The following KCND2 variants were observed in gnomAD, a reference collection of about 807,000 sequenced individuals.
KCND2 encodes potassium voltage-gated channel subfamily D member 2.
A neutral mutation model predicts 54.4 loss-of-function variants in KCND2; 16 were observed. The ratio of observed to expected loss-of-function variants is 0.29; its 90% CI spans 0.20 to 0.45. The LOEUF is 0.45. Ranked by LOEUF, KCND2 falls within the 20% of genes least tolerant of loss-of-function variation. KCND2 has a pLI of 1.00. For synonymous variants in KCND2, 317 were observed against 310.7 expected, an observed-to-expected ratio of 1.02 and a Z score of -0.21; for missense variants, 486 against 824.2, an observed-to-expected ratio of 0.59 and a Z score of 5.02.
At chr7:120,352,717 A>G (rs953354284) in intron 1 of KCND2, among the ~76,000 whole-genome samples, 1 of 152,122 alleles carries the variant, frequency 6.6e-6, no homozygotes. Context: ...AAATATTACA[A>G]TGTATTTTAA....
intron 1 of KCND2, among the ~76,000 whole-genome samples, chr7:120,282,670 A>G (rs1057480203): frequency 6.6e-6 from 1 of 152,162 alleles, no homozygotes; most frequent in African/African-American, 2.4e-5. Flanking sequence ...TTTTGTTCTA[A>G]AAGTAAAAGG....
intron 1 of KCND2, among the ~76,000 whole-genome samples, chr7:120,695,496 C>G (rs1173272487): frequency 1.3e-5 from 2 of 152,094 alleles, no homozygotes; most frequent in Non-Finnish European, 2.9e-5. Flanking sequence ...AGCTGGTTGT[C>G]TACTATAATA....
chr7:120,476,113 G>A (rs1198567282), intron 1 of KCND2, among the ~76,000 whole-genome samples: 3 of 152,194 alleles, frequency 2.0e-5, no homozygotes, highest in African/African-American at 7.2e-5. Context: ...GTGGTTGCAT[G>A]CACAGAGGGA....
intron 1 of KCND2, among the ~76,000 whole-genome samples, chr7:120,290,976 A>G (rs1315710871): frequency 6.6e-6 from 1 of 151,976 alleles, no homozygotes; most frequent in African/African-American, 2.4e-5. Context: ...TTTATTTGGC[A>G]CTCATATCTT....
At chr7:120,470,168 G>A (rs1481375768) in intron 1 of KCND2, among the ~76,000 whole-genome samples, 1 of 152,104 alleles carries the variant, frequency 6.6e-6, no homozygotes. Flanking sequence ...AGTGTCTCAT[G>A]TTCCAAGACA....
intron 1 of KCND2, among the ~76,000 whole-genome samples, chr7:120,286,111 T>C (rs979016918): frequency 1.3e-5 from 2 of 151,952 alleles, no homozygotes. Flanking sequence ...AAACTATGAA[T>C]AAATTAAGAA....
At chr7:120,455,877 G>T (rs1406657459) in intron 1 of KCND2, among the ~76,000 whole-genome samples, 2 of 152,096 alleles carry the variant, frequency 1.3e-5, no homozygotes, top group Non-Finnish European at 2.9e-5. Context: ...TTATTACCTG[G>T]TTGATGAAAT....
At chr7:120,582,397 A>G (rs760511042) in intron 1 of KCND2, among the ~76,000 whole-genome samples, 16 of 152,082 alleles carry the variant, frequency 1.1e-4, no homozygotes, top group Non-Finnish European at 2.2e-4. Context: ...AATATTCTAT[A>G]GTCAAACTGT....
rs1026637336 is a variant in KCND2 at position 120,566,778 on chromosome 7, T to A, written c.1116-166125T>A. ...ATATATTATTATTATGGTTTCTAAA[T>A]CTTATCCCCCATATATTTATTATTT... is the stretch of plus-strand genomic sequence containing the variant. On this transcript the variant is annotated intron_variant, in intron 1 of 5. Transcript: ENST00000331113. Among the ~76,000 whole-genome samples, 6 of 151,534 alleles carry A rather than the reference T, an allele frequency of 4.0e-5. 1 individual carries two copies. In the South Asian group the frequency reaches 1.2e-3, roughly 31 times the overall value.
chr7:120,638,330 A>G (rs1793331482), intron 1 of KCND2, among the ~76,000 whole-genome samples: 1 of 152,150 alleles, frequency 6.6e-6, no homozygotes, highest in African/African-American at 2.4e-5. Context: ...GGCACACTGA[A>G]CCAGAAGCCA....
At chr7:120,436,078 A>G (rs762758236) in intron 1 of KCND2, among the ~76,000 whole-genome samples, 22 of 152,190 alleles carry the variant, frequency 1.4e-4, no homozygotes, top group Non-Finnish European at 3.2e-4. Context: ...AAAGATACAA[A>G]TAGTAACAAA....
intron 1 of KCND2, among the ~76,000 whole-genome samples, chr7:120,622,259 T>C (rs1421947996): frequency 6.6e-6 from 1 of 152,138 alleles, no homozygotes; most frequent in Non-Finnish European, 1.5e-5. Context: ...TAAGCCACTC[T>C]ACAAGAAGGG....
At chr7:120,419,373 A>C (rs1240336060) in intron 1 of KCND2, among the ~76,000 whole-genome samples, 1 of 152,216 alleles carries the variant, frequency 6.6e-6, no homozygotes, top group East Asian at 1.9e-4. Flanking sequence ...TTGGTCAAAG[A>C]AAAGAAAATC....
intron 1 of KCND2, among the ~76,000 whole-genome samples, chr7:120,685,399 C>G (rs1562909048): frequency 6.6e-6 from 1 of 152,120 alleles, no homozygotes; most frequent in Non-Finnish European, 1.5e-5. Flanking sequence ...TCCAGGTTCT[C>G]ACAAACACTT....
intron 1 of KCND2, among the ~76,000 whole-genome samples, chr7:120,597,506 G>A (rs1171612134): frequency 6.6e-6 from 1 of 152,090 alleles, no homozygotes; most frequent in Non-Finnish European, 1.5e-5. Flanking sequence ...TGATATAAAT[G>A]CTATCAGCTG....
chr7:120,358,149 CTGATAGAAATTAACT>C (rs1319713390), intron 1 of KCND2, among the ~76,000 whole-genome samples: 2 of 152,026 alleles, frequency 1.3e-5, no homozygotes, highest in Non-Finnish European at 2.9e-5. Context: ...ACAGAATATT[CTGATAGAAATTAACT>C]ACAAGAGCAA....
chr7:120,527,983 T>C (rs949267385), intron 1 of KCND2, among the ~76,000 whole-genome samples: 1 of 152,180 alleles, frequency 6.6e-6, no homozygotes, highest in African/African-American at 2.4e-5. Flanking sequence ...TTGTGGAAAC[T>C]GATAAAATAA....
intron 1 of KCND2, among the ~76,000 whole-genome samples, chr7:120,468,673 T>C (rs1434455093): frequency 1.3e-5 from 2 of 152,122 alleles, no homozygotes; most frequent in Middle Eastern, 3.2e-3. Context: ...TATGCCACGA[T>C]TTTATTTACA....
At chr7:120,466,566 C>A (rs774445037) in intron 1 of KCND2, among the ~76,000 whole-genome samples, 6 of 152,036 alleles carry the variant, frequency 3.9e-5, no homozygotes, top group Admixed American at 1.3e-4. Context: ...AGCAATGCTT[C>A]CTTTACTCTC....
Sources: gnomAD v4.1 joint callset for allele counts (sites outside exome capture counted in the v4.1 genomes callset) on GRCh38, gnomAD v4.1.1 for gene constraint, MANE v1.5 for transcripts, NCBI Gene and HGNC (gene_info 2026-07-23, HGNC 2026-07-21) for gene names.